PLD1: variants seen among roughly 807,000 people sequenced by gnomAD.
PLD1 encodes the protein phospholipase D1, also known as choline phosphatase 1.
PLD1 carries 112 observed loss-of-function variants against 137.1 expected under a neutral mutation model. The observed-to-expected ratio is 0.82, with a 90% confidence interval of 0.70 to 0.96. PLD1 has a LOEUF of 0.96. Among genes scored for constraint, PLD1 ranks in the 40% least tolerant of loss-of-function variants. The pLI, the probability that PLD1 is intolerant of heterozygous loss-of-function variation, is 0.00. For missense variants in PLD1, 1,321 were observed against 1,342.0 expected, an observed-to-expected ratio of 0.98 and a Z score of 0.24; for synonymous variants, 431 against 454.7, an observed-to-expected ratio of 0.95 and a Z score of 0.66.
chr3:171,806,591 A>G (rs924006013), intron 1 of PLD1, among the ~76,000 whole-genome samples: 2 of 152,250 alleles, frequency 1.3e-5, no homozygotes, highest in African/African-American at 4.8e-5. Context: ...TTTTCTTGTG[A>G]ACACAATGAC....
chr3:171,610,980 G>A (rs1189030531), intron 25 of PLD1, among the ~76,000 whole-genome samples: 1 of 152,202 alleles, frequency 6.6e-6, no homozygotes, highest in Non-Finnish European at 1.5e-5. Flanking sequence ...TGGTAGGAAT[G>A]AGCGAAGTGG....
chr3:171,800,790 G>C (rs144064670), intron 1 of PLD1, among the ~76,000 whole-genome samples: 1 of 152,168 alleles, frequency 6.6e-6, no homozygotes, highest in African/African-American at 2.4e-5. Flanking sequence ...GTGAAGGCCT[G>C]CTTCCCCAGA....
chr3:171,802,971 C>G (rs890593309), intron 1 of PLD1, among the ~76,000 whole-genome samples: 3 of 152,202 alleles, frequency 2.0e-5, no homozygotes, highest in African/African-American at 7.2e-5. Flanking sequence ...ATCAAACTCC[C>G]AAGGGAACTT....
chr3:171,753,684 G>A (rs1720819803), intron 1 of PLD1, among the ~76,000 whole-genome samples: 1 of 151,970 alleles, frequency 6.6e-6, no homozygotes, highest in Admixed American at 6.6e-5. Flanking sequence ...TGCCTCTCCT[G>A]TCTCCCACCT....
rs1732696034 is a variant in PLD1 at position 171,611,994 on chromosome 3, A to G, written c.2882+285T>C. On this transcript the variant is annotated intron_variant, in intron 25 of 26. Coordinates refer to ENST00000351298, the MANE Select transcript of PLD1 (RefSeq NM_002662.5). ...CTACTCGGAATGCTGAGCCAGGAGG[A>G]TTGCTTGAGCCTAGGAATTCAAGGA... 2.6e-5 allele frequency among the ~76,000 whole-genome samples: 4 copies of G among 152,112 alleles called. No homozygotes were observed. In the South Asian group the frequency reaches 8.3e-4, roughly 32 times the overall value.
At chr3:171,662,359 A>G (rs1403847504) in intron 19 of PLD1, among the ~76,000 whole-genome samples, 189 bp from the exon 20 acceptor site, 1 of 152,160 alleles carries the variant, frequency 6.6e-6, no homozygotes, top group African/African-American at 2.4e-5. Context: ...AAAGGGGGCA[A>G]CTGGTCCTTG....
intron 21 of PLD1, among the ~76,000 whole-genome samples, chr3:171,650,293 G>C (rs528832684): frequency 2.6e-5 from 4 of 152,326 alleles, no homozygotes; most frequent in Admixed American, 2.6e-4. Context: ...TGAGAGCCAG[G>C]AGGATCTGTG....
chr3:171,801,479 A>G (rs1375569181), intron 1 of PLD1, among the ~76,000 whole-genome samples: 1 of 152,248 alleles, frequency 6.6e-6, no homozygotes, highest in East Asian at 1.9e-4. Context: ...CCCAGGCTGG[A>G]GTGCTATGGC....
chr3:171,764,966 GAAAGAAAGAAAGAAA>G (rs1217540081), intron 1 of PLD1, among the ~76,000 whole-genome samples: 5 of 58,052 alleles, frequency 8.6e-5, no homozygotes, highest in African/African-American at 2.2e-4. Context: ...AAGAAAGAAA[GAAAGAAAGAAAGAAA>G]GAAAGAAAGA....
intron 21 of PLD1, among the ~76,000 whole-genome samples, chr3:171,646,875 T>C (rs190755362): frequency 1.7e-4 from 26 of 152,250 alleles, no homozygotes; most frequent in African/African-American, 6.3e-4. Context: ...CTACCACCCT[T>C]TGTTCAGAGG....
chr3:171,706,842 A>AT (rs1167926839), intron 11 of PLD1, among the ~76,000 whole-genome samples: 8 of 152,228 alleles, frequency 5.3e-5, no homozygotes, highest in African/African-American at 1.9e-4. Context: ...AGTAACCCCG[A>AT]TTCATTCTCT....
Position 171,602,642 on chromosome 3 carries a change from C to T in PLD1, c.*436G>A, listed in dbSNP as rs1731909635. 1 of 180,084 alleles carries T rather than the reference C, an allele frequency of 5.6e-6. No individual in the cohort carries two copies. The highest frequency in any genetic ancestry group is 1.2e-5 in the Non-Finnish European group (1 of 84,434). 11.2% of individuals were successfully genotyped at this position (180,084 alleles called of 1,614,324 possible). On this transcript the variant is annotated 3_prime_UTR_variant, in exon 27 of 27. Coordinates refer to ENST00000351298, the MANE Select transcript of PLD1 (RefSeq NM_002662.5). Reference sequence around the variant, plus strand: ...CAACATCTAATAATAAACAATCTCTCAAACAGTGCCTGTATGAACTGCAAG... The same window carrying T: ...CAACATCTAATAATAAACAATCTCTTAAACAGTGCCTGTATGAACTGCAAG...
At chr3:171,674,132 G>A (rs991311837) in intron 19 of PLD1, among the ~76,000 whole-genome samples, 4 of 152,200 alleles carry the variant, frequency 2.6e-5, no homozygotes, top group African/African-American at 9.6e-5. Flanking sequence ...ACTAAAATTA[G>A]ACTGAACTAC....
chr3:171,658,883 C>A (rs909982833), intron 21 of PLD1, among the ~76,000 whole-genome samples: 1 of 152,076 alleles, frequency 6.6e-6, no homozygotes, highest in African/African-American at 2.4e-5. Flanking sequence ...TAAATATAAC[C>A]CATAGCAAAA....
intron 11 of PLD1, 59 bp from the exon 12 acceptor site, chr3:171,699,885 G>T: frequency 7.2e-7 from 1 of 1,386,798 alleles, no homozygotes; most frequent in Non-Finnish European, 1.0e-6. Flanking sequence ...TTCTGATTGT[G>T]TCATAGGAAG....
intron 8 of PLD1, among the ~76,000 whole-genome samples, chr3:171,715,229 A>T (rs1371560139): frequency 6.6e-6 from 1 of 152,126 alleles, no homozygotes; most frequent in African/African-American, 2.4e-5. Flanking sequence ...TTCCCCAAAG[A>T]ATGTTCTTGA....
intron 11 of PLD1, among the ~76,000 whole-genome samples, chr3:171,707,854 G>A (rs1716815722): frequency 6.6e-6 from 1 of 152,182 alleles, no homozygotes; most frequent in Admixed American, 6.6e-5. Context: ...TATAATTATA[G>A]ATTCCAGACA....
chr3:171,625,782 G>C (rs1164084125), intron 23 of PLD1, among the ~76,000 whole-genome samples: 1 of 152,244 alleles, frequency 6.6e-6, no homozygotes, highest in Non-Finnish European at 1.5e-5. Flanking sequence ...CAGAACTGCA[G>C]CTGAGAGTCC....
intron 1 of PLD1, among the ~76,000 whole-genome samples, chr3:171,761,167 A>G (rs1205309519): frequency 6.6e-6 from 1 of 152,188 alleles, no homozygotes; most frequent in African/African-American, 2.4e-5. Context: ...GGATCAGCCA[A>G]CATCACAGCA....
Sources: allele counts gnomAD v4.1 joint callset (sites outside exome capture counted in the v4.1 genomes callset), GRCh38; gene constraint gnomAD v4.1.1; transcripts MANE v1.5; gene names NCBI Gene and HGNC (gene_info 2026-07-23, HGNC 2026-07-21).